Variants in POP1 observed in about 807,000 individuals in gnomAD.
POP1 encodes the protein ribonucleases P/MRP protein subunit POP1.
Under a neutral mutation model 102.2 loss-of-function variants are expected in POP1, and 75 were observed. The observed-to-expected ratio is 0.73, with a 90% confidence interval of 0.61 to 0.89. The LOEUF (loss-of-function observed/expected upper bound fraction) is 0.89, where lower values mean the gene tolerates loss of function less well. Among genes scored for constraint, POP1 ranks in the 40% least tolerant of loss-of-function variants. The pLI is 0.00. For missense variants in POP1, 1,116 were observed against 1,267.4 expected, an observed-to-expected ratio of 0.88 and a Z score of 1.81; for synonymous variants, 436 against 464.1, an observed-to-expected ratio of 0.94 and a Z score of 0.78.
chr8:98,148,512 A>G (rs1809420043), intron 12 of POP1, among the ~76,000 whole-genome samples: 1 of 152,208 alleles, frequency 6.6e-6, no homozygotes, highest in Non-Finnish European at 1.5e-5. Flanking sequence ...CTTAATCAAA[A>G]TCAATGTAAG....
intron 11 of POP1, among the ~76,000 whole-genome samples, chr8:98,143,292 C>T (rs188044542): frequency 6.6e-6 from 1 of 152,318 alleles, no homozygotes; most frequent in Admixed American, 6.5e-5. Context: ...CCAGTAAAGA[C>T]TATTGACCTA....
intron 12 of POP1, among the ~76,000 whole-genome samples, chr8:98,148,122 T>A (rs184680030): frequency 1.3e-5 from 2 of 152,220 alleles, no homozygotes; most frequent in Admixed American, 6.5e-5. Context: ...GCTAAAGAGA[T>A]ATAGTTTGGA....
At chr8:98,133,577 G>T (rs1039618045) in intron 5 of POP1, among the ~76,000 whole-genome samples, 5 of 152,128 alleles carry the variant, frequency 3.3e-5, no homozygotes, top group African/African-American at 1.2e-4. Flanking sequence ...GACTTTGGGG[G>T]TGAATGGTTC....
At chr8:98,128,702 TGAGCCCAG>T (rs1286737250) in intron 4 of POP1, among the ~76,000 whole-genome samples, 162 bp downstream of exon 4, 6 of 152,168 alleles carry the variant, frequency 3.9e-5, no homozygotes, top group Non-Finnish European at 8.8e-5. Context: ...TCAGATTGCT[TGAGCCCAG>T]GAGTTCAAGA....
rs754613928 is a variant in POP1, at chr8:98,158,595, G to A, written c.*324G>A. On this transcript the variant is annotated 3_prime_UTR_variant, in exon 16 of 16. Transcript: ENST00000401707. ...ATCCCCTTTTTTTGTTAGAAACAAA[G>A]GGCTTGTCAGGTCTATTTGAAAAAC... 1.1e-5 allele frequency: 3 copies of A among 283,652 alleles called. No individual in the cohort carries two copies. Among genetic ancestry groups the A allele is most frequent in the Non-Finnish European group, 2.0e-5 (3 of 148,886 alleles). 17.6% of individuals were successfully genotyped at this position (283,652 alleles called of 1,614,324 possible). A position where few individuals can be genotyped will look rare whatever the true frequency, so the allele number is the denominator to read the frequency against.
chr8:98,120,835 A>G (rs1343365879), intron 1 of POP1, among the ~76,000 whole-genome samples: 1 of 151,986 alleles, frequency 6.6e-6, no homozygotes, highest in Admixed American at 6.6e-5. Context: ...TTTAGTAGAG[A>G]CGGGGTTTCA....
rs775094930 is a variant in POP1, at chr8:98,140,205, A to T, written c.1474+16A>T. On this transcript the variant is annotated intron_variant, in intron 10 of 15. Coordinates refer to ENST00000401707, the MANE Select transcript of POP1 (RefSeq NM_001145860.2). ...TTGTTGGGAGGTATACAAAGGGAAG[A>T]CTGGGTTGTGTTGGGGAGGGAAGGG... 34 of 1,610,232 alleles carry T rather than the reference A, an allele frequency of 2.1e-5. No individual in the cohort carries two copies. Among genetic ancestry groups the T allele is most frequent in the Middle Eastern group, 1.7e-4 (1 of 6,018 alleles).
chr8:98,129,697 ATTTT>A, intron 4 of POP1, among the ~76,000 whole-genome samples: 1 of 152,304 alleles, frequency 6.6e-6, no homozygotes, highest in South Asian at 2.1e-4. Context: ...TGTGTTGAAC[ATTTT>A]ATAAGTATTC....
Position 98,157,630 on chromosome 8 carries a change from C to G in POP1, c.2434C>G (p.Leu812Val), listed in dbSNP as rs780765549. The G allele has an allele frequency of 3.1e-6, 5 of 1,614,190 alleles. No homozygotes were observed. Among genetic ancestry groups the G allele is most frequent in the Non-Finnish European group, 3.4e-6 (4 of 1,180,046 alleles). ...AACTTCATGTAGGAGTAGAAAATTA[C>G]TGAAGCAACTGTCAGCCTGGTGTGG... is the stretch of plus-strand genomic sequence containing the variant. Reference protein sequence around the residue: ...HLCVLRSRKLLKQLSAWCGPS... With the variant: ...HLCVLRSRKLVKQLSAWCGPS... The change falls in exon 16 of 16, where the codon CTG becomes GTG. Residue 812 changes from leucine to valine, a missense_variant. Transcript: ENST00000401707.
intron 15 of POP1, among the ~76,000 whole-genome samples, chr8:98,156,948 C>T (rs140561708): frequency 1.6e-3 from 234 of 146,070 alleles, no homozygotes; most frequent in Non-Finnish European, 3.0e-3. Flanking sequence ...GTCACCCAGG[C>T]GGGAGTGCAG....
rs1163967788 is a variant in POP1 at position 98,146,679 on chromosome 8, A to T, written c.1706A>T (p.Asp569Val). The T allele has an allele frequency of 6.3e-7, 1 of 1,598,164 alleles. No homozygotes were observed. The highest frequency in any genetic ancestry group is 1.7e-4 in the Middle Eastern group (1 of 6,016). ...AGTGTCACAGAGAATAAAATCTCGG[A>T]TCAGGTAACTAATAGTGTAAGGGTT... ...CKSVTENKIS[D>V]QDLNRMRSEL... The change falls in exon 12 of 16, where the codon GAT (aspartate) becomes GTT (valine). Residue 569 changes from aspartate (D) to valine (V), a missense_variant. Coordinates refer to ENST00000401707, the MANE Select transcript of POP1 (RefSeq NM_001145860.2).
At chr8:98,147,398 A>G (rs544885685) in intron 12 of POP1, among the ~76,000 whole-genome samples, 28 of 152,356 alleles carry the variant, frequency 1.8e-4, no homozygotes, top group African/African-American at 6.5e-4. Flanking sequence ...GGAAGACTCT[A>G]CAAGTGGATC....
intron 12 of POP1, among the ~76,000 whole-genome samples, chr8:98,147,014 G>C (rs1486910866): frequency 6.6e-6 from 1 of 152,188 alleles, no homozygotes; most frequent in Non-Finnish European, 1.5e-5. Context: ...TTAATACAAA[G>C]ACTTTTTCTT....
rs61354768 is a variant in POP1, at chr8:98,132,931, A to AAAAT, written c.736-1018_736-1017insAAAT. Among the ~76,000 whole-genome samples, 44 of 90,594 alleles carry AAAAT rather than the reference A, an allele frequency of 4.9e-4. 2 individuals are homozygous for AAAAT. Among genetic ancestry groups the AAAAT allele is most frequent in the African/African-American group, 1.8e-3 (43 of 23,994 alleles). The allele number at this position is 90,594 out of a possible 152,430, so 59.4% of individuals were successfully genotyped here. A position where few individuals can be genotyped will look rare whatever the true frequency, so the allele number is the denominator to read the frequency against. Reference sequence around the variant, plus strand: ...CAAAAAAAAAAAAAAAAAAAAAAAAATCTGGGTGTGGTGGCTCGTGCCTGT... The same window carrying AAAAT: ...CAAAAAAAAAAAAAAAAAAAAAAAAAAAATTCTGGGTGTGGTGGCTCGTGCCTGT... On this transcript the variant is annotated intron_variant, in intron 5 of 15. Transcript: ENST00000401707.
rs926275861 is a variant in POP1, at chr8:98,123,401, C to A, written c.64C>A (p.Leu22Met). The change falls in exon 2 of 16, where the codon CTG becomes ATG. Residue 22 changes from leucine (L) to methionine (M), a missense_variant. Coordinates refer to ENST00000401707, the MANE Select transcript of POP1 (RefSeq NM_001145860.2). ...KMRNQPTNVT[L>M]SSGFVADRGV... is the part of the protein sequence containing the mutation. Reference sequence around the variant, plus strand: ...GAGAAACCAGCCTACCAATGTGACTCTGTCCTCTGGCTTTGTGGCTGACAG... The same window carrying A: ...GAGAAACCAGCCTACCAATGTGACTATGTCCTCTGGCTTTGTGGCTGACAG... 2 of 1,614,148 alleles carry A rather than the reference C, an allele frequency of 1.2e-6. No homozygotes were observed. The highest frequency in any genetic ancestry group is 1.7e-6 in the Non-Finnish European group (2 of 1,180,000).
chr8:98,122,169 G>C (rs1050639735), intron 1 of POP1, among the ~76,000 whole-genome samples: 1 of 152,154 alleles, frequency 6.6e-6, no homozygotes, highest in African/African-American at 2.4e-5. Context: ...TTCCAGTAAT[G>C]CAGTAAATCA....
chr8:98,119,582 CTTT>C (rs950577406), intron 1 of POP1, among the ~76,000 whole-genome samples: 1 of 149,620 alleles, frequency 6.7e-6, no homozygotes, highest in South Asian at 2.1e-4. Flanking sequence ...CTTCTGGAAA[CTTT>C]TTTTTTTGAG....
chr8:98,136,795 T>G (rs1816558289), intron 8 of POP1, 57 bp downstream of exon 8: 4 of 1,608,352 alleles, frequency 2.5e-6, no homozygotes, highest in Admixed American at 1.7e-5. Context: ...ACCTGCTCCA[T>G]TTTTGTCAGT....
chr8:98,144,782 C>T (rs557041539), intron 11 of POP1, among the ~76,000 whole-genome samples: 21 of 152,254 alleles, frequency 1.4e-4, no homozygotes, highest in African/African-American at 5.1e-4. Context: ...CTAGACAGGC[C>T]ATGTGAACTT....
Sources: gnomAD v4.1 joint callset for allele counts (sites outside exome capture counted in the v4.1 genomes callset) on GRCh38, gnomAD v4.1.1 for gene constraint, MANE v1.5 for transcripts, NCBI Gene and HGNC (gene_info 2026-07-23, HGNC 2026-07-21) for gene names.